The following THSD7B variants were observed in gnomAD, a reference collection of about 807,000 sequenced individuals.
THSD7B encodes thrombospondin type 1 domain containing 7B.
Under a neutral mutation model 213.6 loss-of-function variants are expected in THSD7B, and 138 were observed. The ratio of observed to expected loss-of-function variants is 0.65; its 90% CI spans 0.56 to 0.74. The LOEUF (loss-of-function observed/expected upper bound fraction) is 0.74. THSD7B is among the 30% of genes least tolerant of loss of function. THSD7B has a pLI of 0.00. For synonymous variants in THSD7B, 742 were observed against 687.0 expected (o/e 1.08, Z -1.25); for missense variants, 1,931 against 1,991.5 (o/e 0.97, Z 0.58).
At chr2:137,174,785 T>C (rs1680328656) in intron 7 of THSD7B, among the ~76,000 whole-genome samples, 2 of 152,208 alleles carry the variant, frequency 1.3e-5, no homozygotes, top group African/African-American at 4.8e-5. Context: ...CTCTGCACAA[T>C]ATCTTATCAA....
chr2:137,041,525 CATATT>C (rs1686881188), intron 2 of THSD7B, among the ~76,000 whole-genome samples: 1 of 150,848 alleles, frequency 6.6e-6, no homozygotes, highest in Non-Finnish European at 1.5e-5. Flanking sequence ...AATAGAATTT[CATATT>C]ATATCACACA....
chr2:136,777,937 G>A (rs1016154108), intron 1 of THSD7B, among the ~76,000 whole-genome samples: 1 of 152,130 alleles, frequency 6.6e-6, no homozygotes, highest in African/African-American at 2.4e-5. Flanking sequence ...GGACTTTGAA[G>A]CCAAAAAGTT....
chr2:137,378,160 G>A (rs1427932078), intron 12 of THSD7B, among the ~76,000 whole-genome samples: 1 of 152,102 alleles, frequency 6.6e-6, no homozygotes, highest in Non-Finnish European at 1.5e-5. Context: ...AAAAAGCCTG[G>A]TTGCGATGAA....
intron 12 of THSD7B, among the ~76,000 whole-genome samples, chr2:137,324,851 G>C (rs909412344): frequency 1.3e-5 from 2 of 152,202 alleles, no homozygotes; most frequent in Non-Finnish European, 2.9e-5. Flanking sequence ...CCATATTACT[G>C]ACCCGTTTCT....
intron 1 of THSD7B, among the ~76,000 whole-genome samples, chr2:136,777,945 G>A (rs964543109): frequency 4.6e-5 from 7 of 152,142 alleles, no homozygotes; most frequent in African/African-American, 7.2e-5. Flanking sequence ...AAGCCAAAAA[G>A]TTGAAAGTGG....
chr2:136,936,913 C>G (rs1433669734), intron 2 of THSD7B, among the ~76,000 whole-genome samples: 1 of 152,094 alleles, frequency 6.6e-6, no homozygotes, highest in African/African-American at 2.4e-5. Context: ...TAAAACAAAT[C>G]TCACCAAACC....
At chr2:137,119,649 T>A (rs4954468) in intron 5 of THSD7B, among the ~76,000 whole-genome samples, 105,503 of 152,040 alleles carry the variant, frequency 0.69, 38,120 homozygotes, top group Non-Finnish European at 0.79. Context: ...AGGCCTTCTA[T>A]GCTATTCTGG....
At chr2:137,237,645 A>G (rs1490357232) in intron 9 of THSD7B, among the ~76,000 whole-genome samples, 1 of 152,248 alleles carries the variant, frequency 6.6e-6, no homozygotes, top group Non-Finnish European at 1.5e-5. Flanking sequence ...CAGTGATAAT[A>G]CAGTGATACA....
intron 1 of THSD7B, among the ~76,000 whole-genome samples, chr2:136,799,988 T>C (rs1157553257): frequency 6.6e-6 from 1 of 151,948 alleles, no homozygotes; most frequent in Non-Finnish European, 1.5e-5. Context: ...AAGAAAACCT[T>C]AAAAAATATA....
At chr2:137,416,540 G>C (rs1235090045) in intron 14 of THSD7B, among the ~76,000 whole-genome samples, 4 of 152,104 alleles carry the variant, frequency 2.6e-5, no homozygotes, top group African/African-American at 4.8e-5. Flanking sequence ...ATTCATGATT[G>C]TATCATGTTT....
At chr2:137,632,227 G>T (rs1211676708) in intron 20 of THSD7B, among the ~76,000 whole-genome samples, 1 of 152,138 alleles carries the variant, frequency 6.6e-6, no homozygotes, top group Admixed American at 6.6e-5. Flanking sequence ...ATATATTTGA[G>T]AATAAGCAGA....
intron 17 of THSD7B, among the ~76,000 whole-genome samples, chr2:137,592,403 A>G (rs945712397): frequency 7.3e-6 from 1 of 137,218 alleles, no homozygotes; most frequent in African/African-American, 2.9e-5. Context: ...ATCTTTTTCT[A>G]TTAGAACATT....
intron 12 of THSD7B, among the ~76,000 whole-genome samples, chr2:137,347,574 TTA>T (rs1239856653): frequency 1.4e-4 from 21 of 146,716 alleles, no homozygotes; most frequent in African/African-American, 4.7e-4. Flanking sequence ...TTTTTTTTTT[TTA>T]AATAACAAGA....
chr2:137,059,124 C>T (rs1240226339), intron 3 of THSD7B, among the ~76,000 whole-genome samples: 1 of 151,784 alleles, frequency 6.6e-6, no homozygotes, highest in Non-Finnish European at 1.5e-5. Flanking sequence ...GTCTTCTTGT[C>T]TTAAAGATGG....
At chr2:137,128,512 T>G (rs915724399) in intron 5 of THSD7B, among the ~76,000 whole-genome samples, 2 of 152,166 alleles carry the variant, frequency 1.3e-5, no homozygotes, top group African/African-American at 4.8e-5. Flanking sequence ...ATTTTGAAAA[T>G]TTTTGTGATA....
At chr2:136,939,193 C>G (rs1232542781) in intron 2 of THSD7B, among the ~76,000 whole-genome samples, 3 of 152,080 alleles carry the variant, frequency 2.0e-5, no homozygotes, top group Admixed American at 6.6e-5. Context: ...CCTTGACTTG[C>G]TTCACTGACT....
intron 15 of THSD7B, among the ~76,000 whole-genome samples, chr2:137,478,293 G>C (rs1688232759): frequency 6.6e-6 from 1 of 151,978 alleles, no homozygotes; most frequent in African/African-American, 2.4e-5. Flanking sequence ...ATCTAACTGG[G>C]TTATTTTGGA....
intron 3 of THSD7B, among the ~76,000 whole-genome samples, chr2:137,072,681 C>G (rs1321943306): frequency 6.6e-6 from 1 of 152,084 alleles, no homozygotes; most frequent in Non-Finnish European, 1.5e-5. Flanking sequence ...TGTCTTGTGC[C>G]CGTTTTCAAA....
intron 12 of THSD7B, among the ~76,000 whole-genome samples, chr2:137,302,178 T>C (rs557108113): frequency 2.0e-5 from 3 of 152,166 alleles, no homozygotes; most frequent in South Asian, 2.1e-4. Flanking sequence ...CATCACATAG[T>C]TGATATTTAA....
Sources: gnomAD v4.1 joint callset for allele counts (sites outside exome capture counted in the v4.1 genomes callset) on GRCh38, gnomAD v4.1.1 for gene constraint, MANE v1.5 for transcripts, NCBI Gene and HGNC (gene_info 2026-07-23, HGNC 2026-07-21) for gene names.